The following MYH14 variants were observed in gnomAD, a reference collection of about 807,000 sequenced individuals.
MYH14 encodes myosin heavy chain 14.
In MYH14, 123 loss-of-function variants were observed where a neutral mutation model predicts 255.5. That is an observed-to-expected ratio of 0.48 (90% CI 0.42 to 0.56). MYH14 has a LOEUF of 0.56. Among genes scored for constraint, MYH14 ranks in the 20% least tolerant of loss-of-function variants. The pLI is 0.00. For missense variants in MYH14, 2,423 were observed against 2,802.3 expected, an observed-to-expected ratio of 0.86 and a Z score of 3.06; for synonymous variants, 1,095 against 1,161.2, an observed-to-expected ratio of 0.94 and a Z score of 1.16.
At chr19:50,302,338 T>G (rs1258490066) in intron 40 of MYH14, among the ~76,000 whole-genome samples, 1 of 149,288 alleles carries the variant, frequency 6.7e-6, no homozygotes, top group Admixed American at 6.7e-5. Flanking sequence ...TCCCAGCACT[T>G]TGGGAGGCCA....
chr19:50,240,049 A>C (rs1600915638), intron 10 of MYH14, among the ~76,000 whole-genome samples: 1 of 152,172 alleles, frequency 6.6e-6, no homozygotes, highest in East Asian at 1.9e-4. Flanking sequence ...AAGAGCATGG[A>C]GTTGTGTTGC....
chr19:50,222,023 T>C (rs1374034949), intron 3 of MYH14, among the ~76,000 whole-genome samples: 2 of 152,120 alleles, frequency 1.3e-5, no homozygotes, highest in Non-Finnish European at 2.9e-5. Flanking sequence ...TTCTTTGTCG[T>C]GGGAGGCTGT....
intron 29 of MYH14, among the ~76,000 whole-genome samples, 173 bp from the exon 30 acceptor site, chr19:50,277,910 A>G (rs2035566959): frequency 6.6e-6 from 1 of 150,412 alleles, no homozygotes; most frequent in Non-Finnish European, 1.5e-5. Flanking sequence ...AGACTGAAGC[A>G]CTGTCTCAAA....
rs905536103 is a variant in MYH14, at chr19:50,215,338, G to C, written c.406-2277G>C. ...CGGCCGCCCCACCCTCTGAGAGCTG[G>C]GGGGAGCTCCCGGAGCAGCCCTTTC... On this transcript the variant is annotated intron_variant, in intron 2 of 42. Transcript: ENST00000642316. Among the ~76,000 whole-genome samples the C allele has an allele frequency of 4.6e-5, 7 of 152,152 alleles. No individual in the cohort carries two copies. In the South Asian group the frequency reaches 1.4e-3, roughly 32 times the overall value.
intron 2 of MYH14, among the ~76,000 whole-genome samples, chr19:50,212,458 C>T (rs2032248855): frequency 6.6e-6 from 1 of 152,230 alleles, no homozygotes; most frequent in Non-Finnish European, 1.5e-5. Flanking sequence ...TGTGAGTTAT[C>T]AGCTTCCCTC....
chr19:50,255,283 CAG>C lies in MYH14; in HGVS notation c.2014_2015del (p.Arg672ValfsTer134). On this transcript the variant is annotated frameshift_variant, in exon 17 of 43. Coordinates refer to ENST00000642316, the MANE Select transcript of MYH14 (RefSeq NM_001145809.2). LOFTEE classifies it high-confidence loss of function. ...TTCCCACCGTCGCCCCCAGGATCTGCAGAGAGGTGCAGCTCTGCTATTTCTCC... is the reference window on the plus strand; with the variant it reads ...TTCCCACCGTCGCCCCCAGGATCTGCAGAGGTGCAGCTCTGCTATTTCTCC... 1 of 1,551,448 alleles carries C rather than the reference CAG, an allele frequency of 6.4e-7. No individual in the cohort carries two copies. The highest frequency in any genetic ancestry group is 1.7e-4 in the Middle Eastern group (1 of 5,992).
intron 33 of MYH14, among the ~76,000 whole-genome samples, chr19:50,282,787 C>T (rs913338429): frequency 2.6e-5 from 4 of 152,066 alleles, no homozygotes; most frequent in Middle Eastern, 3.2e-3. Flanking sequence ...AGCTGACTTA[C>T]GATTTCTCTC....
chr19:50,309,248 G>A, intron 42 of MYH14, 71 bp downstream of exon 42: 2 of 1,461,820 alleles, frequency 1.4e-6, no homozygotes, highest in Non-Finnish European at 1.9e-6. Flanking sequence ...GGGACGCGAG[G>A]CCGTGCCAGG....
chr19:50,293,809 A>G lies in MYH14; in HGVS notation c.5469+122A>G. ...TTGAGTTGGGTTTTGAAGGTTGAAT[A>G]GGAGTTCTTAAAAGGGTTGAAAGGC... On this transcript the variant is annotated intron_variant, in intron 39 of 42. Coordinates refer to ENST00000642316, the MANE Select transcript of MYH14 (RefSeq NM_001145809.2). This position sits in a 1 kb window ranked among gnomAD's most constrained non-coding sequence, Gnocchi z 4.1. 9.0e-7 allele frequency: 1 copy of G among 1,109,810 alleles called. No homozygotes were observed. The highest frequency in any genetic ancestry group is 1.3e-6 in the Non-Finnish European group (1 of 798,092). The allele number at this position is 1,109,810 out of a possible 1,614,324, so 68.7% of individuals were successfully genotyped here. A position where few individuals can be genotyped will look rare whatever the true frequency, so the allele number is the denominator to read the frequency against.
intron 10 of MYH14, 35 bp downstream of exon 10, chr19:50,232,105 G>T: frequency 1.9e-6 from 3 of 1,604,778 alleles, no homozygotes; most frequent in Non-Finnish European, 1.7e-6. Flanking sequence ...GGGTAGGGGG[G>T]AACCCCACGG....
chr19:50,246,102 C>T (rs374997879), intron 11 of MYH14, among the ~76,000 whole-genome samples: 21 of 78,074 alleles, frequency 2.7e-4, no homozygotes, highest in African/African-American at 7.2e-4. Flanking sequence ...CTCCCTCCCT[C>T]CCTTCCTTTC....
At chr19:50,308,517 G>A (rs1214916835) in intron 41 of MYH14, 1 of 153,788 alleles carries the variant, frequency 6.5e-6, no homozygotes, top group Non-Finnish European at 1.4e-5. Context: ...CAGAAAATGT[G>A]GGATAGGAAG....
At position 50,250,746 on chromosome 19, in the gene MYH14, G is replaced by A; in HGVS notation, c.1830+58G>A. The A allele has an allele frequency of 6.5e-7, 1 of 1,527,452 alleles. No individual in the cohort carries two copies. Among genetic ancestry groups the A allele is most frequent in the Non-Finnish European group, 8.9e-7 (1 of 1,118,204 alleles). 94.6% of individuals were successfully genotyped at this position (1,527,452 alleles called of 1,614,324 possible). Reference sequence around the variant, plus strand: ...GAGTGGGGATCAAGGGATCTCCACTGGCTACAGATGGGGGGAGGGTGCAGA... The same window carrying A: ...GAGTGGGGATCAAGGGATCTCCACTAGCTACAGATGGGGGGAGGGTGCAGA... On this transcript the variant is annotated intron_variant, in intron 15 of 42. Transcript: ENST00000642316. This position sits in a 1 kb window ranked among gnomAD's most constrained non-coding sequence, Gnocchi z 5.4.
intron 41 of MYH14, 106 bp from the exon 42 acceptor site, chr19:50,308,897 CAG>C: frequency 1.8e-6 from 2 of 1,085,258 alleles, no homozygotes; most frequent in South Asian, 1.6e-5. Flanking sequence ...GAGGATGGGG[CAG>C]AGAGAGTCAG....
intron 33 of MYH14, chr19:50,285,644 A>T (rs2035866925): frequency 6.6e-6 from 1 of 152,174 alleles, no homozygotes; most frequent in South Asian, 2.1e-4. Flanking sequence ...TTCTACATAG[A>T]TGATCATGTT....
intron 10 of MYH14, among the ~76,000 whole-genome samples, chr19:50,239,567 T>C (rs1349820425): frequency 5.3e-5 from 8 of 151,938 alleles, no homozygotes. Context: ...CTTCTTTTTT[T>C]GAGACAGTGT....
In MYH14 at chr19:50,293,030, G is replaced by A. The variant is rs948326258; in HGVS notation, c.5257-203G>A. Among the ~76,000 whole-genome samples, 11 of 151,928 alleles carry A rather than the reference G, an allele frequency of 7.2e-5. No homozygotes were observed. Among genetic ancestry groups the A allele is most frequent in the Non-Finnish European group, 1.2e-4 (8 of 67,964 alleles). ...GGAGAGGGTGAGGGGCCTGGGGGTT[G>A]GGCTGCAAGAGGTGAGCACAGGTCA... On this transcript the variant is annotated intron_variant, in intron 37 of 42. Coordinates refer to ENST00000642316, the MANE Select transcript of MYH14 (RefSeq NM_001145809.2). The surrounding 1 kb of genome is among the most constrained non-coding windows in gnomAD (Gnocchi z 4.1).
intron 17 of MYH14, among the ~76,000 whole-genome samples, chr19:50,255,665 C>A (rs963744667): frequency 1.3e-5 from 2 of 152,096 alleles, no homozygotes; most frequent in Non-Finnish European, 2.9e-5. Context: ...AAGTAACTTG[C>A]TGAGGTCACA....
At chr19:50,242,069 C>T (rs2033914076) in intron 10 of MYH14, among the ~76,000 whole-genome samples, 2 of 152,160 alleles carry the variant, frequency 1.3e-5, no homozygotes, top group Non-Finnish European at 2.9e-5. Context: ...CGCAAATGTC[C>T]AGGGGGCCAT....
Sources: allele counts gnomAD v4.1 joint callset (sites outside exome capture counted in the v4.1 genomes callset), GRCh38; gene constraint gnomAD v4.1.1; non-coding constraint Gnocchi (gnomAD v3.1); transcripts MANE v1.5; gene names NCBI Gene and HGNC (gene_info 2026-07-23, HGNC 2026-07-21).